Variants in SCML4 observed in about 807,000 individuals in gnomAD.
SCML4 encodes sex comb on midleg-like protein 4.
SCML4 carries 34 observed loss-of-function variants against 41.1 expected under a neutral mutation model. That is an observed-to-expected ratio of 0.83 (90% CI 0.63 to 1.10). SCML4 has a LOEUF of 1.10. Among genes scored for constraint, SCML4 ranks in the 50% least tolerant of loss-of-function variants. SCML4 has a pLI of 0.00. For missense variants in SCML4, 522 were observed against 534.1 expected (o/e 0.98, Z 0.22); for synonymous variants, 214 against 220.9 (o/e 0.97, Z 0.28).
chr6:107,707,938 C>T lies in SCML4; in HGVS notation c.1047G>A (p.Glu349=). 1 of 1,551,688 alleles carries T rather than the reference C, an allele frequency of 6.4e-7. No individual in the cohort carries two copies. Among genetic ancestry groups the T allele is most frequent in the Non-Finnish European group, 8.7e-7 (1 of 1,146,992 alleles). Residue 349 remains glutamate, a synonymous_variant, in exon 7 of 8, where the codon GAG becomes GAA. Coordinates refer to ENST00000369020, the MANE Select transcript of SCML4 (RefSeq NM_198081.5). ...RSRNPSAWTV[E]DVVWFVKDAD... is the part of the protein sequence containing the mutation. ...CGTCCTTCACAAACCACACCACGTC[C>T]TCCACAGTCCAGGCGGAGGGGTTCC...
rs1324123506 is a variant in SCML4, at chr6:107,778,208, AAAAAAAAAAAAAAAATATATATATATAT to A, written c.-59-5850_-59-5823del. 3.9e-3 allele frequency among the ~76,000 whole-genome samples: 278 copies of A among 71,232 alleles called. 15 individuals carry two copies. The highest frequency in any genetic ancestry group is 5.2e-3 in the South Asian group (13 of 2,496). 46.7% of individuals were successfully genotyped at this position (71,232 alleles called of 152,430 possible). A position where few individuals can be genotyped will look rare whatever the true frequency, so the allele number is the denominator to read the frequency against. On this transcript the variant is annotated intron_variant, in intron 1 of 7. Coordinates refer to ENST00000369020, the MANE Select transcript of SCML4 (RefSeq NM_198081.5). ...CGAGACTCTATCTCAAAAAAAAAAA[AAAAAAAAAAAAAAAATATATATATATAT>A]ATATATATATATATATATATATATA...
chr6:107,769,200 T>C (rs1156609975), intron 2 of SCML4, among the ~76,000 whole-genome samples: 2 of 152,184 alleles, frequency 1.3e-5, no homozygotes, highest in Admixed American at 1.3e-4. Context: ...AGTAGCACCA[T>C]AAAATGTGAT....
rs75716308 is a variant in SCML4, at chr6:107,708,599, G to A, written c.974-588C>T. 1.6e-3 allele frequency among the ~76,000 whole-genome samples: 242 copies of A among 152,294 alleles called. 2 individuals carry two copies. The East Asian group carries it at 0.044, about 27-fold the overall frequency. On this transcript the variant is annotated intron_variant, in intron 6 of 7. Coordinates refer to ENST00000369020, the MANE Select transcript of SCML4 (RefSeq NM_198081.5). ...AGAGCCATCCCTGGTCACACATGCA[G>A]AAAGAAGATGTCCCCTCACTCACTG...
intron 1 of SCML4, among the ~76,000 whole-genome samples, chr6:107,803,608 C>G (rs4273722): frequency 0.99 from 138,705 of 140,288 alleles, 68,601 homozygotes; most frequent in Middle Eastern, 1. Flanking sequence ...GGAATAGAAA[C>G]GGGGGAAAGG....
rs994623331 is a variant in SCML4, at chr6:107,802,792, G to A, written c.-60+21334C>T. 3.1e-3 allele frequency among the ~76,000 whole-genome samples: 456 copies of A among 147,810 alleles called. 1 individual carries two copies. The highest frequency in any genetic ancestry group is 0.011 in the African/African-American group (435 of 39,136). ...CTTTCCACGGTCTCCCCCTGATGCC[G>A]AGCCAAAGCTGGACTGTACTGCTGC... On this transcript the variant is annotated intron_variant, in intron 1 of 7. Transcript: ENST00000369020.
chr6:107,833,371 A>G, the SCML4 span, among the ~76,000 whole-genome samples: 1 of 152,128 alleles, frequency 6.6e-6, no homozygotes, highest in African/African-American at 2.4e-5. Flanking sequence ...AATTGGTAGG[A>G]GGGTCCGTTC....
At chr6:107,706,360 G>A (rs1478101068) in intron 7 of SCML4, among the ~76,000 whole-genome samples, 2 of 152,130 alleles carry the variant, frequency 1.3e-5, no homozygotes, top group Non-Finnish European at 2.9e-5. Context: ...CCCACTCTGT[G>A]GTTCTTGGTC....
At chr6:107,790,355 G>A (rs748127950) in intron 1 of SCML4, among the ~76,000 whole-genome samples, 5 of 152,178 alleles carry the variant, frequency 3.3e-5, no homozygotes, top group Non-Finnish European at 7.3e-5. Context: ...GAAAGGGGGA[G>A]AGAGAGCAAT....
In SCML4 at chr6:107,772,165, G is replaced by A; in HGVS notation, c.156+7C>T. 1.3e-6 allele frequency: 2 copies of A among 1,546,970 alleles called. No homozygotes were observed. Among genetic ancestry groups the A allele is most frequent in the Non-Finnish European group, 1.7e-6 (2 of 1,144,638 alleles). On this transcript the variant is annotated splice_region_variant and intron_variant, in intron 2 of 7. Transcript: ENST00000369020. ...CCACTTTGGAGAAGGAGATGATGGA[G>A]CCGTACCTTGTACCCGGGTTTCCGC...
intron 3 of SCML4, 50 bp from the exon 4 acceptor site, chr6:107,746,939 C>T: frequency 6.6e-7 from 1 of 1,506,126 alleles, no homozygotes; most frequent in South Asian, 1.2e-5. Flanking sequence ...CGCATCAGGC[C>T]AGCTGGCGGC....
chr6:107,721,067 C>G, intron 5 of SCML4, 74 bp from the exon 6 acceptor site: 1 of 1,500,718 alleles, frequency 6.7e-7, no homozygotes, highest in Non-Finnish European at 8.9e-7. Context: ...TCCGTCTTGG[C>G]AAACCCTGCC....
chr6:107,765,978 T>C (rs1248100163), intron 2 of SCML4, among the ~76,000 whole-genome samples: 1 of 152,254 alleles, frequency 6.6e-6, no homozygotes, highest in African/African-American at 2.4e-5. Context: ...TTAAATTCTT[T>C]TTTGTCTTCA....
chr6:107,781,508 A>G (rs1461996887), intron 1 of SCML4, among the ~76,000 whole-genome samples: 1 of 152,004 alleles, frequency 6.6e-6, no homozygotes, highest in African/African-American at 2.4e-5. Flanking sequence ...TTAGCCTAGT[A>G]TGGTGGTGTG....
intron 5 of SCML4, among the ~76,000 whole-genome samples, chr6:107,735,256 T>C (rs1307437189): frequency 6.6e-6 from 1 of 152,226 alleles, no homozygotes; most frequent in East Asian, 1.9e-4. Context: ...TCCTTCCAAA[T>C]GACCTCCTTT....
chr6:107,835,150 C>T, the SCML4 span, among the ~76,000 whole-genome samples: 1 of 152,058 alleles, frequency 6.6e-6, no homozygotes. Flanking sequence ...TACTTGAGTC[C>T]AGGAGTTCAA....
intron 2 of SCML4, among the ~76,000 whole-genome samples, chr6:107,751,594 CTTTCTTTCTTTCTTTCTTT>C (rs1778648101): frequency 1.5e-5 from 2 of 136,158 alleles, no homozygotes; most frequent in African/African-American, 5.6e-5. Context: ...TTCTTTCTTT[CTTTCTTTCTTTCTTTCTTT>C]CTTTCTTTCT....
rs1476518165 is a variant in SCML4, at chr6:107,702,539, G to GA, written c.*2660dup. Among the ~76,000 whole-genome samples, 6 of 151,928 alleles carry GA rather than the reference G, an allele frequency of 3.9e-5. No homozygotes were observed. The highest frequency in any genetic ancestry group is 9.6e-5 in the African/African-American group (4 of 41,456). On this transcript the variant is annotated 3_prime_UTR_variant, in exon 8 of 8. Transcript: ENST00000369020. ...GGTACCACAAGTATCGGAAGATTGA[G>GA]AAAAAAAAGAGGAGTGAAAAACCTG...
upstream of SCML4, among the ~76,000 whole-genome samples, chr6:107,824,741 A>G (rs148810937): frequency 1.3e-5 from 2 of 152,194 alleles, no homozygotes; most frequent in African/African-American, 2.4e-5. Context: ...CTTTGTCCCA[A>G]TCCTGCAGCA....
intron 3 of SCML4, among the ~76,000 whole-genome samples, chr6:107,749,266 G>A (rs1191146956): frequency 6.6e-6 from 1 of 152,146 alleles, no homozygotes; most frequent in Non-Finnish European, 1.5e-5. Flanking sequence ...TTGGAGGGTA[G>A]TGGGTCAGAC....
Sources: allele counts gnomAD v4.1 joint callset (sites outside exome capture counted in the v4.1 genomes callset), GRCh38; gene constraint gnomAD v4.1.1; transcripts MANE v1.5; gene names NCBI Gene and HGNC (gene_info 2026-07-23, HGNC 2026-07-21).